The following DGKB variants were observed in gnomAD, a reference collection of about 807,000 sequenced individuals.
DGKB encodes the protein 90 kDa diacylglycerol kinase.
Under a neutral mutation model 114.3 loss-of-function variants are expected in DGKB, and 67 were observed. That is an observed-to-expected ratio of 0.59 (90% CI 0.48 to 0.72). The LOEUF (loss-of-function observed/expected upper bound fraction) is 0.72. Ranked by LOEUF, DGKB falls within the 30% of genes least tolerant of loss-of-function variation. The pLI, the probability that DGKB is intolerant of heterozygous loss-of-function variation, is 0.00. For synonymous variants in DGKB, 398 were observed against 323.1 expected, an observed-to-expected ratio of 1.23 and a Z score of -2.49; for missense variants, 907 against 975.2, an observed-to-expected ratio of 0.93 and a Z score of 0.93.
At chr7:14,948,826 T>C (rs1435606972) in intron 1 of DGKB, among the ~76,000 whole-genome samples, 2 of 151,552 alleles carry the variant, frequency 1.3e-5, no homozygotes, top group Non-Finnish European at 3.0e-5. Context: ...AAAAAGGGAA[T>C]CTAGAAGATA....
intron 9 of DGKB, among the ~76,000 whole-genome samples, chr7:14,690,522 A>G (rs1324990256): frequency 1.3e-5 from 2 of 152,232 alleles, no homozygotes; most frequent in African/African-American, 2.4e-5. Flanking sequence ...GAGTGATAGA[A>G]CAGATCAGCG....
chr7:14,577,273 A>G (rs547637537), intron 19 of DGKB, among the ~76,000 whole-genome samples: 1 of 152,322 alleles, frequency 6.6e-6, no homozygotes, highest in Admixed American at 6.5e-5. Flanking sequence ...AAGTCATAGA[A>G]ATTTTTGCAA....
intron 1 of DGKB, among the ~76,000 whole-genome samples, chr7:14,924,908 C>T (rs975198151): frequency 3.3e-5 from 5 of 152,242 alleles, no homozygotes; most frequent in African/African-American, 1.2e-4. Context: ...ATCACATCAA[C>T]CTCCCTGCTG....
At chr7:14,848,533 G>C (rs891550709) in intron 1 of DGKB, among the ~76,000 whole-genome samples, 13 of 152,170 alleles carry the variant, frequency 8.5e-5, no homozygotes, top group African/African-American at 3.1e-4. Flanking sequence ...CTATATAGAT[G>C]ATATTTCAAG....
chr7:14,155,963 G>T (rs1007467394), intron 25 of DGKB, among the ~76,000 whole-genome samples: 2 of 152,088 alleles, frequency 1.3e-5, no homozygotes, highest in Non-Finnish European at 2.9e-5. Context: ...GTCAGCAATT[G>T]AGACGAAATT....
intron 20 of DGKB, among the ~76,000 whole-genome samples, chr7:14,565,448 A>T (rs1161039374): frequency 6.6e-6 from 1 of 152,184 alleles, no homozygotes; most frequent in Admixed American, 6.5e-5. Context: ...TATAGAAATA[A>T]ATATGTCAAT....
At chr7:14,588,066 T>G (rs955099798) in intron 17 of DGKB, among the ~76,000 whole-genome samples, 4 of 152,082 alleles carry the variant, frequency 2.6e-5, no homozygotes, top group African/African-American at 9.7e-5. Context: ...AACATCAATG[T>G]TTTTCGCAAA....
intron 12 of DGKB, among the ~76,000 whole-genome samples, chr7:14,673,625 T>TA (rs1254358286): frequency 6.6e-6 from 1 of 152,078 alleles, no homozygotes; most frequent in Non-Finnish European, 1.5e-5. Context: ...GTTAAGTTAG[T>TA]ATATAATCAT....
At chr7:14,831,687 C>T (rs570088045) in intron 2 of DGKB, among the ~76,000 whole-genome samples, 1 of 152,182 alleles carries the variant, frequency 6.6e-6, no homozygotes, top group African/African-American at 2.4e-5. Flanking sequence ...CTCATGTCTT[C>T]TCCTAGCATC....
intron 5 of DGKB, among the ~76,000 whole-genome samples, chr7:14,723,808 T>C (rs893425325): frequency 1.3e-5 from 2 of 152,190 alleles, no homozygotes; most frequent in African/African-American, 4.8e-5. Flanking sequence ...GTAGTTAGCA[T>C]TAGTCATATC....
At chr7:14,970,938 G>T (rs1587481698) in intron 1 of DGKB, among the ~76,000 whole-genome samples, 3 of 152,270 alleles carry the variant, frequency 2.0e-5, no homozygotes, top group Admixed American at 1.3e-4. Context: ...GGCAGGGAAG[G>T]TGTCACAGAA....
At chr7:14,944,814 GA>G (rs35643032) in intron 1 of DGKB, among the ~76,000 whole-genome samples, 2 of 150,916 alleles carry the variant, frequency 1.3e-5, no homozygotes, top group African/African-American at 2.4e-5. Context: ...AAGACTGATG[GA>G]AAAAAAATGA....
chr7:14,897,263 G>A (rs141309003), intron 1 of DGKB, among the ~76,000 whole-genome samples: 35 of 151,936 alleles, frequency 2.3e-4, no homozygotes, highest in African/African-American at 7.5e-4. Flanking sequence ...TTTGAAATTA[G>A]AATTTAAAAT....
intron 1 of DGKB, among the ~76,000 whole-genome samples, chr7:14,954,695 T>C (rs550729419): frequency 9.2e-5 from 14 of 152,108 alleles, no homozygotes; most frequent in African/African-American, 3.4e-4. Context: ...TAATTACTTA[T>C]GTGTTGGATA....
intron 13 of DGKB, among the ~76,000 whole-genome samples, chr7:14,643,692 G>A (rs948158431): frequency 2.6e-4 from 39 of 152,108 alleles, no homozygotes; most frequent in African/African-American, 9.4e-4. Context: ...AAGCTTGAGA[G>A]CCACCTGTCT....
chr7:14,270,886 A>G (rs2128432182), intron 23 of DGKB, among the ~76,000 whole-genome samples: 1 of 152,338 alleles, frequency 6.6e-6, no homozygotes, highest in East Asian at 1.9e-4. Context: ...AATATGATGT[A>G]GAAAGTGATT....
intron 23 of DGKB, among the ~76,000 whole-genome samples, chr7:14,265,291 T>C (rs1314776472): frequency 2.7e-5 from 4 of 149,882 alleles, no homozygotes; most frequent in African/African-American, 9.9e-5. Context: ...CTTTCTCAAT[T>C]TGGACTGCTG....
intron 20 of DGKB, among the ~76,000 whole-genome samples, chr7:14,564,041 G>A (rs1279049360): frequency 6.6e-6 from 1 of 152,172 alleles, no homozygotes; most frequent in African/African-American, 2.4e-5. Context: ...TCTTTGGGCA[G>A]CCCTGGAGAA....
At chr7:14,149,487 A>G (rs1781866128) in intron 25 of DGKB, among the ~76,000 whole-genome samples, 1 of 152,180 alleles carries the variant, frequency 6.6e-6, no homozygotes, top group South Asian at 2.1e-4. Context: ...GTTGCATTTT[A>G]AATAGTATGT....
Sources: allele counts gnomAD v4.1 joint callset (sites outside exome capture counted in the v4.1 genomes callset), GRCh38; gene constraint gnomAD v4.1.1; transcripts MANE v1.5; gene names NCBI Gene and HGNC (gene_info 2026-07-23, HGNC 2026-07-21).